Variants in AGBL1 observed in about 807,000 individuals in gnomAD.
AGBL1 encodes cytosolic carboxypeptidase 4.
AGBL1 carries 130 observed loss-of-function variants against 118.9 expected under a neutral mutation model. That is an observed-to-expected ratio of 1.09 (90% confidence interval 0.95 to 1.26). The LOEUF (loss-of-function observed/expected upper bound fraction) is 1.26, where lower values mean the gene tolerates loss of function less well. Ranked by LOEUF, AGBL1 falls within the 50% of genes most tolerant of loss-of-function variation. The pLI is 0.00. For synonymous variants in AGBL1, 555 were observed against 478.9 expected (o/e 1.16, Z -2.08); for missense variants, 1,584 against 1,298.1 (o/e 1.22, Z -3.38).
At chr15:86,169,996 A>G (rs1340903570) in intron 5 of AGBL1, among the ~76,000 whole-genome samples, 1 of 152,218 alleles carries the variant, frequency 6.6e-6, no homozygotes, top group Non-Finnish European at 1.5e-5. Context: ...GTAGAATCCA[A>G]GAAGAAATTA....
intron 18 of AGBL1, among the ~76,000 whole-genome samples, chr15:86,500,116 C>A (rs2082901153): frequency 6.6e-6 from 1 of 151,844 alleles, no homozygotes; most frequent in South Asian, 2.1e-4. Flanking sequence ...GAAAATGGTG[C>A]TATTTCCTTC....
chr15:86,898,252 T>A (rs1334474037), intron 22 of AGBL1, among the ~76,000 whole-genome samples: 16 of 152,202 alleles, frequency 1.1e-4, no homozygotes. Flanking sequence ...CTGTGTTTGG[T>A]GTCTTTGTCA....
chr15:86,108,330 T>C (rs1897169787), intron 1 of AGBL1, among the ~76,000 whole-genome samples: 1 of 152,210 alleles, frequency 6.6e-6, no homozygotes, highest in Non-Finnish European at 1.5e-5. Flanking sequence ...TTTAAGGGCA[T>C]GGGGAATTTC....
chr15:86,584,462 T>G (rs897424670), intron 21 of AGBL1, among the ~76,000 whole-genome samples: 4 of 152,200 alleles, frequency 2.6e-5, no homozygotes, highest in African/African-American at 9.6e-5. Flanking sequence ...CCATTGCTTG[T>G]TTTTGTTGAC....
chr15:86,819,378 A>G (rs1214769236), intron 22 of AGBL1, among the ~76,000 whole-genome samples: 2 of 152,008 alleles, frequency 1.3e-5, no homozygotes, highest in African/African-American at 2.4e-5. Context: ...ATATATTAAT[A>G]AGAAAACCCC....
At chr15:86,495,695 GT>G (rs1301192481) in intron 18 of AGBL1, among the ~76,000 whole-genome samples, 1 of 151,858 alleles carries the variant, frequency 6.6e-6, no homozygotes, top group Non-Finnish European at 1.5e-5. Context: ...TTGAAATGTA[GT>G]GAGTCTTATT....
In AGBL1 at chr15:86,713,409, T is replaced by A. The variant is rs539162706; in HGVS notation, c.3158+38973T>A. 1.7e-4 allele frequency among the ~76,000 whole-genome samples: 26 copies of A among 152,328 alleles called. No individual in the cohort carries two copies. In the East Asian group the frequency reaches 4.6e-3, roughly 27 times the overall value. On this transcript the variant is annotated intron_variant, in intron 22 of 22. Coordinates refer to ENST00000614907, the MANE Select transcript of AGBL1 (RefSeq NM_001386094.1). ...ATATACAAATCCATATTTAAGTTGA[T>A]TTTTAATTAATTATGGCTATGGAAG... is the stretch of plus-strand genomic sequence containing the variant.
At chr15:86,623,718 A>T (rs2084845682) in intron 21 of AGBL1, among the ~76,000 whole-genome samples, 1 of 152,248 alleles carries the variant, frequency 6.6e-6, no homozygotes, top group Non-Finnish European at 1.5e-5. Context: ...GTGCTTTTCT[A>T]AATAATTTTG....
chr15:86,293,003 A>C (rs961741795), intron 16 of AGBL1, among the ~76,000 whole-genome samples: 2 of 152,228 alleles, frequency 1.3e-5, no homozygotes, highest in African/African-American at 2.4e-5. Flanking sequence ...TCAAATTTTC[A>C]GGTGCCCCTG....
Position 86,266,874 on chromosome 15 carries a change from T to C in AGBL1, c.1752-116T>C, listed in dbSNP as rs563682615. ...TGACATCCCGCCCTGCACTCCAGCC[T>C]GGGCAACAGAGTGAGATTCTGTCTC... On this transcript the variant is annotated intron_variant, in intron 12 of 22. Transcript: ENST00000614907. 234 of 921,166 alleles carry C rather than the reference T, an allele frequency of 2.5e-4. 1 individual carries two copies. The African/African-American group carries it at 3.6e-3, about 14-fold the overall frequency. 57.1% of individuals were successfully genotyped at this position (921,166 alleles called of 1,614,324 possible). A position where few individuals can be genotyped will look rare whatever the true frequency, so the allele number is the denominator to read the frequency against.
chr15:86,959,597 T>C (rs1382085725), intron 23 of AGBL1, among the ~76,000 whole-genome samples: 2 of 152,138 alleles, frequency 1.3e-5, no homozygotes, highest in Non-Finnish European at 2.9e-5. Flanking sequence ...TCAGGAGAGA[T>C]GAATTAAAAT....
intron 22 of AGBL1, among the ~76,000 whole-genome samples, chr15:86,804,160 A>T (rs956015491): frequency 4.6e-5 from 7 of 152,160 alleles, no homozygotes; most frequent in African/African-American, 1.7e-4. Flanking sequence ...TAAATATGAA[A>T]GGAGTGGGAA....
intron 5 of AGBL1, among the ~76,000 whole-genome samples, chr15:86,167,082 G>A (rs1453470521): frequency 1.3e-5 from 2 of 152,004 alleles, no homozygotes; most frequent in South Asian, 4.1e-4. Flanking sequence ...AAAGAAATTT[G>A]TATTTTCCTG....
intron 5 of AGBL1, among the ~76,000 whole-genome samples, chr15:86,162,846 C>A (rs917964589): frequency 2.0e-5 from 3 of 152,204 alleles, no homozygotes; most frequent in Non-Finnish European, 4.4e-5. Context: ...CTCCCTTCCT[C>A]TGGAATGCCA....
At chr15:86,657,760 C>T (rs1462502813) in intron 21 of AGBL1, among the ~76,000 whole-genome samples, 3 of 151,946 alleles carry the variant, frequency 2.0e-5, no homozygotes, top group African/African-American at 2.4e-5. Context: ...ACACATCTCT[C>T]GTAAGTCTCC....
chr15:86,631,938 C>G (rs57083507), intron 21 of AGBL1, among the ~76,000 whole-genome samples: 17,443 of 151,250 alleles, frequency 0.12, 1,137 homozygotes, highest in East Asian at 0.15. Context: ...CCTGTAATCC[C>G]AGCACTTTGA....
rs76453059 is a variant in AGBL1, at chr15:86,717,571, C to T, written c.3158+43135C>T. On this transcript the variant is annotated intron_variant, in intron 22 of 22. Transcript: ENST00000614907. ...ATGTTTTGCAGACATTTCCCAGAAC[C>T]TTCACATTTCACTGATTGGCCAGTT... Among the ~76,000 whole-genome samples, 404 of 152,214 alleles carry T rather than the reference C, an allele frequency of 2.7e-3. 1 individual carries two copies. The highest frequency in any genetic ancestry group is 9.2e-3 in the African/African-American group (380 of 41,518).
At chr15:86,329,103 TGACGA>T (rs2080231485) in intron 17 of AGBL1, among the ~76,000 whole-genome samples, 1 of 152,050 alleles carries the variant, frequency 6.6e-6, no homozygotes, top group Non-Finnish European at 1.5e-5. Flanking sequence ...TTCTCCTAGG[TGACGA>T]GACTTGCAGC....
intron 1 of AGBL1, among the ~76,000 whole-genome samples, chr15:86,136,794 C>T (rs2076895374): frequency 2.0e-5 from 3 of 152,112 alleles, no homozygotes. Flanking sequence ...AGGAAGGCAA[C>T]AGGGACACAT....
Sources: allele counts gnomAD v4.1 joint callset (sites outside exome capture counted in the v4.1 genomes callset), GRCh38; gene constraint gnomAD v4.1.1; transcripts MANE v1.5; gene names NCBI Gene and HGNC (gene_info 2026-07-23, HGNC 2026-07-21).